MYCBP2: variants seen among roughly 807,000 people sequenced by gnomAD.
MYCBP2 encodes E3 ubiquitin-protein ligase MYCBP2.
In MYCBP2, 120 loss-of-function variants were observed where a neutral mutation model predicts 525.3. The observed-to-expected ratio is 0.23, with a 90% CI of 0.20 to 0.27. The LOEUF is 0.27. MYCBP2 is among the 10% of genes least tolerant of loss of function. The pLI is 1.00. For synonymous variants in MYCBP2, 1,894 were observed against 1,955.8 expected, an observed-to-expected ratio of 0.97 and a Z score of 0.83; for missense variants, 4,149 against 5,657.1, an observed-to-expected ratio of 0.73 and a Z score of 8.55.
intron 52 of MYCBP2, 121 bp from the exon 53 acceptor site, chr13:77,126,663 A>C: frequency 6.3e-6 from 4 of 633,872 alleles, no homozygotes; most frequent in Non-Finnish European, 1.0e-5. Context: ...AAAACACATA[A>C]CTAAAGATAA....
At chr13:77,212,986 A>C (rs933585201) in intron 21 of MYCBP2, among the ~76,000 whole-genome samples, 4 of 152,176 alleles carry the variant, frequency 2.6e-5, no homozygotes, top group Non-Finnish European at 5.9e-5. Flanking sequence ...TTCTCATCCA[A>C]CCACCAGGTA....
rs2154181391 is a variant in MYCBP2, at chr13:77,139,065, A to C, written c.7659+131T>G. 3.9e-6 allele frequency: 4 copies of C among 1,038,338 alleles called. No homozygotes were observed. In the Middle Eastern group the frequency reaches 7.6e-4, roughly 197 times the overall value. 64.3% of individuals were successfully genotyped at this position (1,038,338 alleles called of 1,614,324 possible). A position where few individuals can be genotyped will look rare whatever the true frequency, so the allele number is the denominator to read the frequency against. ...TTTCATTACACAGAAGCCCTTAAGAATTCAAGAAATTGTAAAGTAAAGGTT... is the reference window on the plus strand; with the variant it reads ...TTTCATTACACAGAAGCCCTTAAGACTTCAAGAAATTGTAAAGTAAAGGTT... On this transcript the variant is annotated intron_variant, in intron 52 of 82. Coordinates refer to ENST00000544440, the MANE Select transcript of MYCBP2 (RefSeq NM_015057.5).
chr13:77,278,748 T>G lies in MYCBP2; in HGVS notation c.748+10A>C, dbSNP rs1030419627. 4 of 1,515,164 alleles carry G rather than the reference T, an allele frequency of 2.6e-6. No homozygotes were observed. In the African/African-American group the frequency reaches 4.3e-5, roughly 16 times the overall value. 93.9% of individuals were successfully genotyped at this position (1,515,164 alleles called of 1,614,324 possible). On this transcript the variant is annotated intron_variant, in intron 4 of 82. Coordinates refer to ENST00000544440, the MANE Select transcript of MYCBP2 (RefSeq NM_015057.5). ...TTTAAATGCTTCACTGAATGAGCCT[T>G]GGCTCTTACCTAGGACCTCAGGTGG...
chr13:77,190,179 C>T (rs2061162371), intron 29 of MYCBP2, 73 bp downstream of exon 29: 25 of 904,732 alleles, frequency 2.8e-5, no homozygotes, highest in African/African-American at 5.0e-5. Flanking sequence ...TATTATGCCA[C>T]GTTTTGTAAT....
intron 39 of MYCBP2, among the ~76,000 whole-genome samples, chr13:77,169,088 T>C (rs1043559014): frequency 1.3e-5 from 2 of 152,228 alleles, no homozygotes; most frequent in Non-Finnish European, 1.5e-5. Context: ...TGCTAAAATC[T>C]ATTTCCCATT....
At chr13:77,273,209 A>G (rs767882486) in intron 5 of MYCBP2, among the ~76,000 whole-genome samples, 1 of 152,238 alleles carries the variant, frequency 6.6e-6, no homozygotes, top group Non-Finnish European at 1.5e-5. Context: ...AACAGCAAGG[A>G]AAGAGAAGGC....
intron 76 of MYCBP2, among the ~76,000 whole-genome samples, chr13:77,060,646 T>C (rs2039112087): frequency 6.6e-6 from 1 of 152,202 alleles, no homozygotes; most frequent in Non-Finnish European, 1.5e-5. Context: ...TTACCTTTTG[T>C]TTTATGTCTA....
chr13:77,312,613 T>C (rs1327174375), intron 1 of MYCBP2, among the ~76,000 whole-genome samples: 4 of 151,580 alleles, frequency 2.6e-5, no homozygotes, highest in Middle Eastern at 3.2e-3. Context: ...AAAAGACCAA[T>C]AGAGCAACTA....
chr13:77,295,259 G>A (rs2078050783), intron 2 of MYCBP2, among the ~76,000 whole-genome samples: 1 of 152,130 alleles, frequency 6.6e-6, no homozygotes, highest in Admixed American at 6.5e-5. Flanking sequence ...TCAGCCTCCT[G>A]AGTAGCTGGG....
chr13:77,089,964 GA>G, intron 60 of MYCBP2, 141 bp downstream of exon 60: 1 of 668,884 alleles, frequency 1.5e-6, no homozygotes, highest in Non-Finnish European at 2.3e-6. Flanking sequence ...ATGTCATATA[GA>G]AGGAATGTCA....
intron 56 of MYCBP2, 115 bp from the exon 57 acceptor site, chr13:77,096,596 A>C: frequency 9.4e-7 from 1 of 1,068,572 alleles, no homozygotes; most frequent in South Asian, 2.1e-5. Context: ...AAAATACTGA[A>C]GTAGATATCT....
intron 55 of MYCBP2, 175 bp from the exon 56 acceptor site, chr13:77,099,188 T>C: frequency 1.2e-6 from 1 of 836,782 alleles, no homozygotes; most frequent in Non-Finnish European, 1.8e-6. Context: ...ATAAAATTTC[T>C]ACACATCATT....
chr13:77,236,206 G>T (rs1023377699), intron 17 of MYCBP2, among the ~76,000 whole-genome samples: 2 of 152,178 alleles, frequency 1.3e-5, no homozygotes, highest in Non-Finnish European at 2.9e-5. Context: ...AGCTATTAAA[G>T]AATTAAGAAG....
chr13:77,261,510 A>C, intron 11 of MYCBP2, 135 bp from the exon 12 acceptor site: 1 of 682,208 alleles, frequency 1.5e-6, no homozygotes. Flanking sequence ...TTTTTACACT[A>C]TTCAGCTTCT....
At chr13:77,240,175 A>G (rs534786455) in intron 17 of MYCBP2, among the ~76,000 whole-genome samples, 1 of 152,344 alleles carries the variant, frequency 6.6e-6, no homozygotes, top group South Asian at 2.1e-4. Flanking sequence ...TAAAATCATA[A>G]AAGTGTCATA....
At chr13:77,154,847 T>C (rs1429629395) in intron 46 of MYCBP2, among the ~76,000 whole-genome samples, 1 of 152,096 alleles carries the variant, frequency 6.6e-6, no homozygotes, top group Non-Finnish European at 1.5e-5. Flanking sequence ...TGATGCTTTT[T>C]GCATTGTATA....
chr13:77,327,092 G>C lies in MYCBP2; in HGVS notation c.-317C>G, dbSNP rs1056566300. On this transcript the variant is annotated 5_prime_UTR_variant, in exon 1 of 83. Transcript: ENST00000544440. ...CCGCCGGGGCTACCCGCAATGGGAA[G>C]CTGCCGGCCTCACAGAGCATGCGCC... is the stretch of plus-strand genomic sequence containing the variant. 9.1e-6 allele frequency: 4 copies of C among 437,974 alleles called. No individual in the cohort carries two copies. The highest frequency in any genetic ancestry group is 2.1e-5 in the African/African-American group (1 of 48,780). 27.1% of individuals were successfully genotyped at this position (437,974 alleles called of 1,614,324 possible). A position where few individuals can be genotyped will look rare whatever the true frequency, so the allele number is the denominator to read the frequency against.
At chr13:77,266,381 A>C (rs1489469008) in intron 8 of MYCBP2, among the ~76,000 whole-genome samples, 4 of 152,246 alleles carry the variant, frequency 2.6e-5, no homozygotes, top group Middle Eastern at 3.4e-3. Flanking sequence ...CATTTAAGTG[A>C]CATTGTAGAA....
chr13:77,251,493 C>A, intron 14 of MYCBP2, 138 bp from the exon 15 acceptor site: 1 of 702,934 alleles, frequency 1.4e-6, no homozygotes, highest in Middle Eastern at 3.0e-4. Context: ...ATTTGAGTAA[C>A]AAAAATAAAT....
Sources: allele counts gnomAD v4.1 joint callset (sites outside exome capture counted in the v4.1 genomes callset), GRCh38; gene constraint gnomAD v4.1.1; transcripts MANE v1.5; gene names NCBI Gene and HGNC (gene_info 2026-07-23, HGNC 2026-07-21).